TEX36: variants seen among roughly 807,000 people sequenced by gnomAD.
TEX36 encodes testis-expressed protein 36.
In TEX36, 12 loss-of-function variants were observed where a neutral mutation model predicts 13.6. The ratio of observed to expected loss-of-function variants is 0.88; its 90% CI spans 0.56 to 1.43. The LOEUF is 1.43. Ranked by LOEUF, TEX36 falls within the 40% of genes most tolerant of loss-of-function variation. TEX36 has a pLI of 0.00. For synonymous variants in TEX36, 93 were observed against 83.0 expected, an observed-to-expected ratio of 1.12 and a Z score of -0.65; for missense variants, 224 against 228.3, an observed-to-expected ratio of 0.98 and a Z score of 0.12.
At chr10:125,638,937 A>G (rs1213147106) in intron 3 of TEX36, among the ~76,000 whole-genome samples, 2 of 152,246 alleles carry the variant, frequency 1.3e-5, no homozygotes, top group East Asian at 1.9e-4. Flanking sequence ...CTATTACACT[A>G]TTAATTCTTT....
chr10:125,670,759 T>C (rs2133606438), intron 1 of TEX36, among the ~76,000 whole-genome samples: 1 of 152,366 alleles, frequency 6.6e-6, no homozygotes, highest in African/African-American at 2.4e-5. Flanking sequence ...TGTCTTGAGT[T>C]AATTGTTGCA....
At chr10:125,616,014 A>G (rs370201975) in intron 3 of TEX36, among the ~76,000 whole-genome samples, 3 of 152,008 alleles carry the variant, frequency 2.0e-5, no homozygotes, top group South Asian at 2.1e-4. Flanking sequence ...AGTCTTGGGA[A>G]AGTGTATGTG....
chr10:125,679,397 G>T (rs757724037), intron 1 of TEX36, among the ~76,000 whole-genome samples: 55 of 152,166 alleles, frequency 3.6e-4, no homozygotes, highest in Non-Finnish European at 7.6e-4. Flanking sequence ...TCAAAAGATA[G>T]ATTTGAAAAT....
At chr10:125,605,506 G>A (rs1470026186) in intron 3 of TEX36, among the ~76,000 whole-genome samples, 1 of 152,220 alleles carries the variant, frequency 6.6e-6, no homozygotes, top group African/African-American at 2.4e-5. Context: ...CAGCAATGTG[G>A]TAAGTGCTTT....
intron 3 of TEX36, among the ~76,000 whole-genome samples, chr10:125,648,282 T>C (rs1411105825): frequency 6.6e-6 from 1 of 152,146 alleles, no homozygotes; most frequent in African/African-American, 2.4e-5. Flanking sequence ...CTCATACAGT[T>C]GGGTGCCCCT....
chr10:125,661,220 T>C, intron 2 of TEX36, 119 bp from the exon 3 acceptor site: 1 of 775,202 alleles, frequency 1.3e-6, no homozygotes, highest in Non-Finnish European at 2.2e-6. Flanking sequence ...AGAAAGACAA[T>C]GAAACCTGGC....
chr10:125,663,550 G>A (rs973552947), intron 1 of TEX36, among the ~76,000 whole-genome samples: 1 of 151,808 alleles, frequency 6.6e-6, no homozygotes, highest in African/African-American at 2.4e-5. Context: ...CCCCATCCTC[G>A]CCAACATCTG....
chr10:125,580,863 C>G (rs1331602991), intron 3 of TEX36, among the ~76,000 whole-genome samples: 1 of 152,184 alleles, frequency 6.6e-6, no homozygotes, highest in African/African-American at 2.4e-5. Context: ...AGAGTCCTTT[C>G]CTGGGACTTT....
chr10:125,664,683 T>C (rs1201608138), intron 1 of TEX36, among the ~76,000 whole-genome samples: 1 of 152,222 alleles, frequency 6.6e-6, no homozygotes, highest in Admixed American at 6.5e-5. Context: ...CCTTCTGCCA[T>C]GATTGTAAGT....
chr10:125,644,260 G>T (rs891792634), intron 3 of TEX36, among the ~76,000 whole-genome samples: 1 of 152,160 alleles, frequency 6.6e-6, no homozygotes, highest in Non-Finnish European at 1.5e-5. Flanking sequence ...CCAGAAACCA[G>T]TGCAAATAGA....
intron 3 of TEX36, among the ~76,000 whole-genome samples, chr10:125,640,642 G>T (rs565031180): frequency 6.6e-6 from 1 of 152,118 alleles, no homozygotes; most frequent in Non-Finnish European, 1.5e-5. Context: ...ATGGCACCAG[G>T]ATTAGCGCAA....
chr10:125,638,114 A>G (rs1440943490), intron 3 of TEX36, among the ~76,000 whole-genome samples: 2 of 151,446 alleles, frequency 1.3e-5, no homozygotes, highest in African/African-American at 2.4e-5. Context: ...CCCACTCTCA[A>G]GTTTCTTTCA....
At chr10:125,663,728 A>T (rs1207899627) in intron 1 of TEX36, among the ~76,000 whole-genome samples, 1 of 152,154 alleles carries the variant, frequency 6.6e-6, no homozygotes, top group Non-Finnish European at 1.5e-5. Context: ...TTTTATGTGT[A>T]CATAGTAGCT....
At chr10:125,619,418 C>A (rs1009773188), downstream of TEX36, among the ~76,000 whole-genome samples, 1 of 152,094 alleles carries the variant, frequency 6.6e-6, no homozygotes, top group African/African-American at 2.4e-5. Flanking sequence ...CACCACCACC[C>A]ACATTCCCCT....
At chr10:125,592,867 C>A (rs927654446) in intron 3 of TEX36, among the ~76,000 whole-genome samples, 5 of 152,192 alleles carry the variant, frequency 3.3e-5, no homozygotes, top group Admixed American at 2.6e-4. Context: ...GGATAGAGAA[C>A]AACAGCTAGA....
intron 3 of TEX36, among the ~76,000 whole-genome samples, chr10:125,608,869 T>C (rs1398283040): frequency 6.7e-6 from 1 of 149,852 alleles, no homozygotes; most frequent in Admixed American, 6.7e-5. Context: ...GCGCGGTGGC[T>C]AACACCTGTA....
At chr10:125,653,136 G>A (rs969757458), downstream of TEX36, among the ~76,000 whole-genome samples, 2 of 152,050 alleles carry the variant, frequency 1.3e-5, no homozygotes, top group African/African-American at 4.8e-5. Context: ...CCTATTACTG[G>A]GCATATACCC....
At chr10:125,586,408 A>G (rs1241075631) in intron 3 of TEX36, among the ~76,000 whole-genome samples, 2 of 152,078 alleles carry the variant, frequency 1.3e-5, no homozygotes, top group Non-Finnish European at 2.9e-5. Context: ...TTAAATTTAT[A>G]CCTTGGTATT....
At chr10:125,615,417 G>GT (rs1218998805) in intron 3 of TEX36, among the ~76,000 whole-genome samples, 1 of 151,898 alleles carries the variant, frequency 6.6e-6, no homozygotes, top group Non-Finnish European at 1.5e-5. Context: ...TTGGCTGTGG[G>GT]TTTGTCATAG....
Sources: gnomAD v4.1 joint callset for allele counts (sites outside exome capture counted in the v4.1 genomes callset) on GRCh38, gnomAD v4.1.1 for gene constraint, MANE v1.5 for transcripts, NCBI Gene and HGNC (gene_info 2026-07-23, HGNC 2026-07-21) for gene names.